P2RY8: variants seen among roughly 807,000 people sequenced by gnomAD.
P2RY8 encodes P2Y receptor family member 8.
In P2RY8, 6 loss-of-function variants were observed where a neutral mutation model predicts 10.0. The ratio of observed to expected loss-of-function variants is 0.60; its 90% CI spans 0.33 to 1.19. The LOEUF (loss-of-function observed/expected upper bound fraction) is 1.19. Ranked by LOEUF, P2RY8 falls within the 50% of genes most tolerant of loss-of-function variation. The pLI is 0.04. For synonymous variants in P2RY8, 276 were observed against 252.5 expected, an observed-to-expected ratio of 1.09 and a Z score of -0.88; for missense variants, 456 against 542.0, an observed-to-expected ratio of 0.84 and a Z score of 1.58.
intron 1 of P2RY8, among the ~76,000 whole-genome samples, chrX:1,480,085 C>T (rs1449829452): frequency 6.6e-6 from 1 of 152,110 alleles, no homozygotes; most frequent in Non-Finnish European, 1.5e-5. Flanking sequence ...GATTCTCTAC[C>T]ATTCCTTCCA....
chrX:1,524,450 T>TATCC (rs1303287053), intron 1 of P2RY8, among the ~76,000 whole-genome samples: 4 of 28,066 alleles, frequency 1.4e-4, no homozygotes, highest in South Asian at 1.4e-3. Flanking sequence ...TTCATCCATC[T>TATCC]ATCCATCCAT....
chrX:1,506,775 T>C (rs1354032514), intron 1 of P2RY8, among the ~76,000 whole-genome samples: 2 of 151,978 alleles, frequency 1.3e-5, no homozygotes, highest in Non-Finnish European at 2.9e-5. Flanking sequence ...CCTCCCTGGT[T>C]GAAGTGATTC....
chrX:1,523,673 A>C (rs2092409120), intron 1 of P2RY8, among the ~76,000 whole-genome samples: 1 of 151,968 alleles, frequency 6.6e-6, no homozygotes, highest in African/African-American at 2.4e-5. Flanking sequence ...GAAGATGGTA[A>C]ATTTATTATT....
At position 1,465,956 on chromosome X, in the gene P2RY8, C is replaced by G. The variant is rs777483700; in HGVS notation, c.603G>C (p.Leu201=). ...AVFLFTIFIL[L]FLIPFVITVA... ...CGGTGATCACGAACGGGATGAGGAA[C>G]AGCAGGATGAAGATGGTGAAGAGGA... Residue 201 remains leucine, a synonymous_variant, in exon 2 of 2, where the codon CTG becomes CTC. Transcript: ENST00000381297. 5 of 1,612,426 alleles carry G rather than the reference C, an allele frequency of 3.1e-6. No individual in the cohort carries two copies. The South Asian group carries it at 5.5e-5, about 18-fold the overall frequency.
At chrX:1,472,601 GTTTAGATA>G (rs2091802881) in intron 1 of P2RY8, among the ~76,000 whole-genome samples, 1 of 95,520 alleles carries the variant, frequency 1.0e-5, no homozygotes, top group African/African-American at 4.3e-5. Flanking sequence ...CTGGATCAGT[GTTTAGATA>G]GGATGTGTGG....
chrX:1,528,722 CT>C (rs2092454854), intron 1 of P2RY8, among the ~76,000 whole-genome samples: 1 of 150,852 alleles, frequency 6.6e-6, no homozygotes, highest in Admixed American at 6.6e-5. Flanking sequence ...GGATTTGAGT[CT>C]CTTTGAATTC....
At chrX:1,533,290 T>C (rs73188705) in intron 1 of P2RY8, among the ~76,000 whole-genome samples, 11,522 of 149,514 alleles carry the variant, frequency 0.077, 561 homozygotes, top group Non-Finnish European at 0.11. Context: ...GAAAAAATCT[T>C]CTGAGGAGTG....
chrX:1,526,110 T>G (rs2092438427), intron 1 of P2RY8, among the ~76,000 whole-genome samples: 1 of 150,750 alleles, frequency 6.6e-6, no homozygotes, highest in South Asian at 2.1e-4. Context: ...ATACACCCAC[T>G]ATTCAGACAC....
rs1189457167 is a variant in P2RY8, at chrX:1,463,206, G to A, written c.*2273C>T. ...CCCATGAGACACACCCAAGGCCCAC[G>A]CTCAGCACTTGCGACCTGTACTCCT... On this transcript the variant is annotated 3_prime_UTR_variant, in exon 2 of 2. Transcript: ENST00000381297. 13 of 233,028 alleles carry A rather than the reference G, an allele frequency of 5.6e-5. No individual in the cohort carries two copies. Among genetic ancestry groups the A allele is most frequent in the African/African-American group, 2.6e-4 (12 of 45,312 alleles). 14.4% of individuals were successfully genotyped at this position (233,028 alleles called of 1,614,324 possible).
intron 1 of P2RY8, among the ~76,000 whole-genome samples, chrX:1,523,769 G>A (rs1266853314): frequency 6.6e-6 from 1 of 152,116 alleles, no homozygotes; most frequent in Non-Finnish European, 1.5e-5. Flanking sequence ...CACAACTTCC[G>A]CCTCCCGGGT....
At chrX:1,478,899 G>A (rs1470517720) in intron 1 of P2RY8, among the ~76,000 whole-genome samples, 35 of 152,036 alleles carry the variant, frequency 2.3e-4, no homozygotes, top group African/African-American at 6.8e-4. Flanking sequence ...CCTGCTGTCT[G>A]CCTTTCTGGT....
At chrX:1,516,020 TAAA>T (rs765204755) in intron 1 of P2RY8, among the ~76,000 whole-genome samples, 95,734 of 125,610 alleles carry the variant, frequency 0.76, 38,140 homozygotes, top group East Asian at 0.99. Context: ...CTGTCTCTAC[TAAA>T]AAAAAAAAAA....
intron 1 of P2RY8, among the ~76,000 whole-genome samples, chrX:1,524,359 A>G (rs2092414179): frequency 6.6e-6 from 1 of 150,888 alleles, no homozygotes; most frequent in Non-Finnish European, 1.5e-5. Context: ...TCATCCATCC[A>G]TCCATCCATC....
intron 1 of P2RY8, among the ~76,000 whole-genome samples, chrX:1,522,823 C>G (rs1248304755): frequency 6.6e-6 from 1 of 150,690 alleles, no homozygotes; most frequent in African/African-American, 2.4e-5. Context: ...TATCGCAGCA[C>G]TTTGGGAGGC....
At chrX:1,479,339 T>A (rs1381823994) in intron 1 of P2RY8, among the ~76,000 whole-genome samples, 2 of 152,260 alleles carry the variant, frequency 1.3e-5, no homozygotes, top group African/African-American at 4.8e-5. Flanking sequence ...GGGATTTGGA[T>A]GGATCAACTC....
At chrX:1,515,080 T>G (rs1209765610) in intron 1 of P2RY8, among the ~76,000 whole-genome samples, 2 of 150,400 alleles carry the variant, frequency 1.3e-5, no homozygotes, top group African/African-American at 4.9e-5. Flanking sequence ...AGCTAATTTT[T>G]GTATTTTTAG....
chrX:1,524,809 C>CCATCCATCCATCCACT (rs2092428053), intron 1 of P2RY8, among the ~76,000 whole-genome samples: 1 of 6,126 alleles, frequency 1.6e-4, no homozygotes. Context: ...ATCCACTCAT[C>CCATCCATCCATCCACT]CATCCATCCA....
At chrX:1,511,497 C>G (rs2092297558) in intron 1 of P2RY8, among the ~76,000 whole-genome samples, 1 of 152,214 alleles carries the variant, frequency 6.6e-6, no homozygotes, top group South Asian at 2.1e-4. Flanking sequence ...TCAAGCTCCC[C>G]TCTCCAAATG....
chrX:1,531,788 G>A (rs1333604440), intron 1 of P2RY8, among the ~76,000 whole-genome samples: 4 of 152,136 alleles, frequency 2.6e-5, no homozygotes, highest in Non-Finnish European at 4.4e-5. Context: ...GTCCCAGCCC[G>A]GCTCAGCGGC....
Sources: gnomAD v4.1 joint callset for allele counts (sites outside exome capture counted in the v4.1 genomes callset) on GRCh38, gnomAD v4.1.1 for gene constraint, MANE v1.5 for transcripts, NCBI Gene and HGNC (gene_info 2026-07-23, HGNC 2026-07-21) for gene names.